The following ARL6 variants were observed in gnomAD, a reference collection of about 807,000 sequenced individuals.
The protein encoded by ARL6 is ADP-ribosylation factor-like protein 6.
In ARL6, 18 loss-of-function variants were observed where a neutral mutation model predicts 27.1. That is an observed-to-expected ratio of 0.66 (90% CI 0.46 to 0.98). ARL6 has a LOEUF of 0.98. Ranked by LOEUF, ARL6 falls within the 50% of genes least tolerant of loss-of-function variation. The pLI, the probability that ARL6 is intolerant of heterozygous loss-of-function variation, is 0.00. For missense variants in ARL6, 187 were observed against 214.9 expected (o/e 0.87, Z 0.81); for synonymous variants, 65 against 72.3 (o/e 0.90, Z 0.51).
At chr3:97,784,480 TAAAA>T (rs148371215) in intron 4 of ARL6, among the ~76,000 whole-genome samples, 3 of 140,640 alleles carry the variant, frequency 2.1e-5, no homozygotes, top group Non-Finnish European at 4.7e-5. Context: ...ACCATAGTAG[TAAAA>T]AAAAAAAAAA....
rs2038087184 is a variant in ARL6 at position 97,798,052 on chromosome 3, A to G, written c.*3A>G. The G allele has an allele frequency of 6.2e-7, 1 of 1,612,968 alleles. No individual in the cohort carries two copies. Among genetic ancestry groups the G allele is most frequent in the African/African-American group, 1.3e-5 (1 of 74,892 alleles). On this transcript the variant is annotated 3_prime_UTR_variant, in exon 8 of 8. Transcript: ENST00000463745. ...AGATCCAGACTGTGAAGACATGAAA[A>G]GATAATAGTTGGAAACCTCAGCAAT...
chr3:97,789,091 A>C (rs1576467538), intron 6 of ARL6, among the ~76,000 whole-genome samples: 1 of 152,298 alleles, frequency 6.6e-6, no homozygotes, highest in Middle Eastern at 3.4e-3. Flanking sequence ...TTGGCGCTGA[A>C]AGAGTAATAG....
chr3:97,771,823 T>G (rs910502373), intron 2 of ARL6, among the ~76,000 whole-genome samples: 1 of 152,160 alleles, frequency 6.6e-6, no homozygotes, highest in East Asian at 1.9e-4. Flanking sequence ...ACTATTAATC[T>G]TATGGGCTCA....
intron 1 of ARL6, chr3:97,766,665 G>C (rs758737462): frequency 1.3e-5 from 2 of 152,196 alleles, no homozygotes; most frequent in Non-Finnish European, 2.9e-5. Context: ...TATTGATAAA[G>C]TTGCTGCAGC....
intron 7 of ARL6, chr3:97,793,323 G>A (rs556992406): frequency 6.6e-6 from 1 of 152,336 alleles, no homozygotes; most frequent in South Asian, 2.1e-4. Context: ...TTAGACTGCA[G>A]TAAAGAAGTG....
chr3:97,770,117 C>T (rs1454127691), intron 2 of ARL6, among the ~76,000 whole-genome samples: 3 of 152,072 alleles, frequency 2.0e-5, no homozygotes, highest in Non-Finnish European at 4.4e-5. Context: ...ATACTGTTTT[C>T]CATAGTGGCT....
chr3:97,787,883 GA>G, intron 5 of ARL6, 106 bp from the exon 6 acceptor site: 1 of 1,133,898 alleles, frequency 8.8e-7, no homozygotes. Flanking sequence ...TGTGTGATAT[GA>G]AAAAAGATAA....
At chr3:97,774,249 C>T (rs2108005496) in intron 2 of ARL6, among the ~76,000 whole-genome samples, 1 of 152,270 alleles carries the variant, frequency 6.6e-6, no homozygotes, top group African/African-American at 2.4e-5. Context: ...TAGTGCACCA[C>T]CTCATGGATC....
chr3:97,791,537 TC>T (rs1421171885), intron 6 of ARL6, among the ~76,000 whole-genome samples: 13 of 152,210 alleles, frequency 8.5e-5, no homozygotes, highest in African/African-American at 3.1e-4. Flanking sequence ...TAAGAACTAA[TC>T]CTGGGATAAA....
At chr3:97,795,881 T>C (rs1396207791) in intron 7 of ARL6, among the ~76,000 whole-genome samples, 2 of 152,202 alleles carry the variant, frequency 1.3e-5, no homozygotes, top group South Asian at 2.1e-4. Context: ...AAAAAAGTTT[T>C]CATGCTGAAT....
chr3:97,782,917 A>C (rs916110484), intron 4 of ARL6, among the ~76,000 whole-genome samples: 1 of 151,076 alleles, frequency 6.6e-6, no homozygotes, highest in African/African-American at 2.4e-5. Flanking sequence ...TATGCACCAA[A>C]CCATTAGTAG....
chr3:97,786,095 C>A (rs543338689), intron 5 of ARL6, among the ~76,000 whole-genome samples: 16 of 151,996 alleles, frequency 1.1e-4, no homozygotes, highest in African/African-American at 3.6e-4. Flanking sequence ...GGCCTGTAAT[C>A]CCAGCACTTT....
At chr3:97,785,142 T>C (rs1321024128) in intron 5 of ARL6, 93 bp downstream of exon 5, 1 of 934,148 alleles carries the variant, frequency 1.1e-6, no homozygotes, top group South Asian at 1.6e-5. Flanking sequence ...TATGTAATTA[T>C]CTTTCATTTA....
chr3:97,777,191 G>A (rs2036951744), intron 2 of ARL6, among the ~76,000 whole-genome samples: 1 of 152,064 alleles, frequency 6.6e-6, no homozygotes, highest in South Asian at 2.1e-4. Context: ...ATACCACCAA[G>A]GATATCATTT....
chr3:97,776,987 T>C (rs1358628019), intron 2 of ARL6, among the ~76,000 whole-genome samples: 1 of 152,222 alleles, frequency 6.6e-6, no homozygotes, highest in East Asian at 1.9e-4. Flanking sequence ...TAAAACAATC[T>C]AAAATTGTTC....
chr3:97,772,661 G>A (rs1402352363), intron 2 of ARL6, among the ~76,000 whole-genome samples: 9 of 136,270 alleles, frequency 6.6e-5, no homozygotes, highest in East Asian at 4.2e-4. Context: ...TGCACTTGTC[G>A]CCCAGGCTGG....
chr3:97,794,177 T>TTGTGTGTGTGTGTGTGTG (rs370867493), intron 7 of ARL6, among the ~76,000 whole-genome samples: 2 of 137,382 alleles, frequency 1.5e-5, no homozygotes, highest in South Asian at 2.5e-4. Context: ...TTTCTTTCTT[T>TTGTGTGTGTGTGTGTGTG]TGTGTGTGTG....
chr3:97,767,967 T>A, intron 1 of ARL6, 114 bp from the exon 2 acceptor site: 1 of 943,820 alleles, frequency 1.1e-6, no homozygotes, highest in East Asian at 2.8e-5. Context: ...ATTGACATAG[T>A]TTTCACACTA....
intron 5 of ARL6, among the ~76,000 whole-genome samples, chr3:97,787,640 C>T (rs974748414): frequency 2.0e-5 from 3 of 152,066 alleles, no homozygotes; most frequent in Non-Finnish European, 4.4e-5. Flanking sequence ...CCTTCTACTT[C>T]TACTTGAAGT....
Sources: gnomAD v4.1 joint callset for allele counts (sites outside exome capture counted in the v4.1 genomes callset) on GRCh38, gnomAD v4.1.1 for gene constraint, MANE v1.5 for transcripts, NCBI Gene and HGNC (gene_info 2026-07-23, HGNC 2026-07-21) for gene names.